The following PLCL2 variants were observed in gnomAD, a reference collection of about 807,000 sequenced individuals.
The protein encoded by PLCL2 is phospholipase C like 2, also known as inactive phospholipase C-like protein 2.
Under a neutral mutation model 79.6 loss-of-function variants are expected in PLCL2, and 4 were observed. The observed-to-expected ratio is 0.05, with a 90% CI of 0.02 to 0.11. The LOEUF (loss-of-function observed/expected upper bound fraction) is 0.11. Among genes scored for constraint, PLCL2 ranks in the 10% least tolerant of loss-of-function variants. The pLI is 1.00. For missense variants in PLCL2, 895 were observed against 1,291.0 expected, an observed-to-expected ratio of 0.69 and a Z score of 4.70; for synonymous variants, 484 against 457.7, an observed-to-expected ratio of 1.06 and a Z score of -0.73.
chr3:16,980,697 G>A (rs150352124), intron 1 of PLCL2, among the ~76,000 whole-genome samples: 2,188 of 152,274 alleles, frequency 0.014, 64 homozygotes, highest in African/African-American at 0.05. Context: ...GACGATGGGC[G>A]GCCAGGCGGA....
intron 1 of PLCL2, among the ~76,000 whole-genome samples, chr3:17,008,020 C>T (rs2064280819): frequency 6.6e-6 from 1 of 152,172 alleles, no homozygotes; most frequent in East Asian, 1.9e-4. Flanking sequence ...AATACACACA[C>T]AGATGTGGAT....
At chr3:16,900,651 A>T (rs1220161045) in intron 1 of PLCL2, among the ~76,000 whole-genome samples, 1 of 152,238 alleles carries the variant, frequency 6.6e-6, no homozygotes, top group African/African-American at 2.4e-5. Flanking sequence ...ATATTTGCAT[A>T]GCTCTTTCAT....
chr3:17,032,757 T>C (rs1329429463), intron 3 of PLCL2, among the ~76,000 whole-genome samples: 1 of 152,190 alleles, frequency 6.6e-6, no homozygotes, highest in Admixed American at 6.6e-5. Flanking sequence ...ATTTATTTCA[T>C]GAATGTTATG....
At chr3:17,016,145 T>G (rs1187112665) in intron 3 of PLCL2, among the ~76,000 whole-genome samples, 2 of 152,232 alleles carry the variant, frequency 1.3e-5, no homozygotes, top group Non-Finnish European at 2.9e-5. Context: ...TATTTCCAGT[T>G]TCACAAATTG....
chr3:17,052,299 A>G lies in PLCL2; in HGVS notation c.3094+9350A>G, dbSNP rs576083842. 2.0e-5 allele frequency among the ~76,000 whole-genome samples: 3 copies of G among 151,830 alleles called. No homozygotes were observed. The East Asian group carries it at 5.8e-4, about 29-fold the overall frequency. ...CAGGTTATGGATTTTGGAGAAAATC[A>G]AGAGCTCATGGACACCACACCAGAG... On this transcript the variant is annotated intron_variant, in intron 4 of 5. Coordinates refer to ENST00000615277, the MANE Select transcript of PLCL2 (RefSeq NM_001144382.2).
chr3:17,009,379 C>T lies in PLCL2; in HGVS notation c.328-295C>T, dbSNP rs2064296301. Among the ~76,000 whole-genome samples, 1 of 152,108 alleles carries T rather than the reference C, an allele frequency of 6.6e-6. No homozygotes were observed. The highest frequency in any genetic ancestry group is 1.5e-5 in the Non-Finnish European group (1 of 68,016). On this transcript the variant is annotated intron_variant, in intron 1 of 5. Coordinates refer to ENST00000615277, the MANE Select transcript of PLCL2 (RefSeq NM_001144382.2). The surrounding 1 kb of genome is among the most constrained non-coding windows in gnomAD (Gnocchi z 4.0). ...TCAAGCAATCCTCCTGCCTTAGCCT[C>T]CCAAAGTGCTGAGTTTATAGGTGTG...
At chr3:16,984,458 A>C (rs1252294912) in intron 1 of PLCL2, among the ~76,000 whole-genome samples, 1 of 152,166 alleles carries the variant, frequency 6.6e-6, no homozygotes, top group Non-Finnish European at 1.5e-5. Flanking sequence ...CAGAATTGTT[A>C]GAGTTTGTTG....
rs151250000 is a variant in PLCL2, at chr3:16,916,975, G to A, written c.327+31609G>A. Reference sequence around the variant, plus strand: ...CCCTTGCCTGTGTTCTTTGTCGTACGAGCCCCTGGGAGACTCATAGTTTCC... The same window carrying A: ...CCCTTGCCTGTGTTCTTTGTCGTACAAGCCCCTGGGAGACTCATAGTTTCC... On this transcript the variant is annotated intron_variant, in intron 1 of 5. Transcript: ENST00000615277. Among the ~76,000 whole-genome samples the A allele has an allele frequency of 5.4e-3, 817 of 152,136 alleles. 9 individuals carry two copies. The highest frequency in any genetic ancestry group is 0.019 in the African/African-American group (779 of 41,494).
rs373993906 is a variant in PLCL2, at chr3:17,055,016, T to G, written c.3094+12067T>G. ...CTAAATTACAGTGAACTAAGATCAG[T>G]TACATAAACAGCAATTTGGGAATGG... is the stretch of plus-strand genomic sequence containing the variant. On this transcript the variant is annotated intron_variant, in intron 4 of 5. Coordinates refer to ENST00000615277, the MANE Select transcript of PLCL2 (RefSeq NM_001144382.2). Among the ~76,000 whole-genome samples the G allele has an allele frequency of 5.9e-5, 9 of 152,296 alleles. 1 individual carries two copies. Among genetic ancestry groups the G allele is most frequent in the Admixed American group, 6.5e-5 (1 of 15,286 alleles).
At chr3:16,995,744 T>C (rs867203734) in intron 1 of PLCL2, among the ~76,000 whole-genome samples, 1 of 152,256 alleles carries the variant, frequency 6.6e-6, no homozygotes, top group African/African-American at 2.4e-5. Context: ...TGTGATGTAT[T>C]AGACAACTCT....
At chr3:16,915,117 G>A (rs748742702) in intron 1 of PLCL2, among the ~76,000 whole-genome samples, 22 of 152,176 alleles carry the variant, frequency 1.4e-4, no homozygotes, top group Admixed American at 3.3e-4. Flanking sequence ...CTTAGTAGAC[G>A]GATGTTGGAA....
intron 1 of PLCL2, among the ~76,000 whole-genome samples, chr3:16,997,230 C>G (rs2064162705): frequency 6.6e-6 from 1 of 152,166 alleles, no homozygotes; most frequent in South Asian, 2.1e-4. Context: ...GAAGATAAGG[C>G]CCATTCCCTT....
intron 1 of PLCL2, among the ~76,000 whole-genome samples, chr3:16,931,271 G>T (rs892115043): frequency 6.6e-6 from 1 of 151,944 alleles, no homozygotes; most frequent in Non-Finnish European, 1.5e-5. Context: ...ATTGTACTTA[G>T]ATCCGTGTCT....
chr3:16,992,342 T>C (rs1305228951), intron 1 of PLCL2, among the ~76,000 whole-genome samples: 3 of 152,248 alleles, frequency 2.0e-5, no homozygotes, highest in Non-Finnish European at 4.4e-5. Context: ...CTCTGAGAAC[T>C]CACATTTAAC....
At chr3:16,939,881 A>C (rs922632135) in intron 1 of PLCL2, among the ~76,000 whole-genome samples, 1 of 152,148 alleles carries the variant, frequency 6.6e-6, no homozygotes, top group Non-Finnish European at 1.5e-5. Context: ...GAAACAGTCT[A>C]TTTTCCTTCC....
intron 5 of PLCL2, among the ~76,000 whole-genome samples, chr3:17,069,214 A>T (rs537441554): frequency 3.9e-5 from 6 of 152,192 alleles, no homozygotes; most frequent in Non-Finnish European, 7.3e-5. Flanking sequence ...TTTGAGGGGT[A>T]GTAAATGAAT....
intron 3 of PLCL2, among the ~76,000 whole-genome samples, chr3:17,015,151 C>T (rs567911259): frequency 2.5e-4 from 38 of 152,322 alleles, no homozygotes; most frequent in African/African-American, 8.4e-4. Flanking sequence ...GTTAGCTTCT[C>T]AGCTATATCT....
At chr3:17,058,432 T>C (rs2064912993) in intron 4 of PLCL2, among the ~76,000 whole-genome samples, 2 of 152,170 alleles carry the variant, frequency 1.3e-5, no homozygotes, top group South Asian at 4.1e-4. Flanking sequence ...GGATTGAATG[T>C]GGCATAGGAG....
At chr3:17,048,614 T>TA (rs1177368177) in intron 4 of PLCL2, among the ~76,000 whole-genome samples, 2 of 152,208 alleles carry the variant, frequency 1.3e-5, no homozygotes, top group Admixed American at 1.3e-4. Flanking sequence ...TCATAACTGC[T>TA]AAAATTAACT....
Sources: gnomAD v4.1 joint callset for allele counts (sites outside exome capture counted in the v4.1 genomes callset) on GRCh38, gnomAD v4.1.1 for gene constraint, Gnocchi (gnomAD v3.1) non-coding constraint, MANE v1.5 for transcripts, NCBI Gene and HGNC (gene_info 2026-07-23, HGNC 2026-07-21) for gene names.